The following SIPA1L1 variants were observed in gnomAD, a reference collection of about 807,000 sequenced individuals.
SIPA1L1 encodes the protein signal-induced proliferation-associated 1-like protein 1.
In SIPA1L1, 26 loss-of-function variants were observed where a neutral mutation model predicts 162.7. The ratio of observed to expected loss-of-function variants is 0.16; its 90% confidence interval spans 0.12 to 0.22. The LOEUF is 0.22. Ranked by LOEUF, SIPA1L1 falls within the 10% of genes least tolerant of loss-of-function variation. SIPA1L1 has a pLI of 1.00. For synonymous variants in SIPA1L1, 829 were observed against 837.4 expected, an observed-to-expected ratio of 0.99 and a Z score of 0.17; for missense variants, 1,874 against 2,241.0, an observed-to-expected ratio of 0.84 and a Z score of 3.31.
chr14:71,551,854 TTG>T (rs1201703234), intron 4 of SIPA1L1, among the ~76,000 whole-genome samples: 1 of 152,184 alleles, frequency 6.6e-6, no homozygotes, highest in Non-Finnish European at 1.5e-5. Flanking sequence ...CATTCATGCT[TTG>T]TGTTACTGAT....
At chr14:71,517,408 A>C (rs1336777321) in intron 3 of SIPA1L1, among the ~76,000 whole-genome samples, 1 of 152,170 alleles carries the variant, frequency 6.6e-6, no homozygotes, top group Non-Finnish European at 1.5e-5. Flanking sequence ...ATCATGGTTC[A>C]CTGATTTTCC....
intron 4 of SIPA1L1, among the ~76,000 whole-genome samples, chr14:71,556,707 C>CTTG: frequency 6.6e-6 from 1 of 152,372 alleles, no homozygotes; most frequent in South Asian, 2.1e-4. Flanking sequence ...CTTCCAAGAA[C>CTTG]TTCTACATGT....
chr14:71,728,912 C>A (rs2084487241), intron 19 of SIPA1L1, among the ~76,000 whole-genome samples: 1 of 152,092 alleles, frequency 6.6e-6, no homozygotes, highest in Non-Finnish European at 1.5e-5. Context: ...TTGCTATTTG[C>A]AGAAAAAATC....
intron 5 of SIPA1L1, among the ~76,000 whole-genome samples, chr14:71,612,073 A>T (rs1413063330): frequency 6.6e-6 from 1 of 152,216 alleles, no homozygotes; most frequent in Non-Finnish European, 1.5e-5. Context: ...CTGCTGATAT[A>T]TGATGAAGCC....
At chr14:71,727,650 G>A (rs1213360497) in intron 19 of SIPA1L1, among the ~76,000 whole-genome samples, 4 of 152,158 alleles carry the variant, frequency 2.6e-5, no homozygotes, top group African/African-American at 7.2e-5. Flanking sequence ...CCTTCCAGGT[G>A]TGATCCCACT....
chr14:71,345,159 A>G (rs2036029354), intron 2 of SIPA1L1, among the ~76,000 whole-genome samples: 1 of 152,080 alleles, frequency 6.6e-6, no homozygotes, highest in African/African-American at 2.4e-5. Context: ...GTAGTTTGCT[A>G]CCTACCCACC....
chr14:71,517,108 G>C (rs908687857), intron 3 of SIPA1L1, among the ~76,000 whole-genome samples: 3 of 151,586 alleles, frequency 2.0e-5, no homozygotes, highest in Admixed American at 1.3e-4. Context: ...CTATGGTTTT[G>C]TTTTATTTCG....
At chr14:71,707,135 G>GCA (rs924886136) in intron 16 of SIPA1L1, among the ~76,000 whole-genome samples, 1 of 149,112 alleles carries the variant, frequency 6.7e-6, no homozygotes, top group Non-Finnish European at 1.5e-5. Flanking sequence ...ACACACGCAC[G>GCA]CACACACACA....
intron 13 of SIPA1L1, among the ~76,000 whole-genome samples, chr14:71,695,664 C>T (rs1427736634): frequency 6.6e-6 from 1 of 152,160 alleles, no homozygotes; most frequent in African/African-American, 2.4e-5. Context: ...AATCATCAGA[C>T]CCCTACACGT....
Position 71,398,008 on chromosome 14 carries a change from AATTTTTT to A in SIPA1L1, c.-465+76828_-465+76834del, listed in dbSNP as rs1266464634. Among the ~76,000 whole-genome samples the A allele has an allele frequency of 1.4e-4, 12 of 88,710 alleles. No homozygotes were observed. The East Asian group carries it at 1.4e-3, about 10-fold the overall frequency. The allele number at this position is 88,710 out of a possible 152,430, so 58.2% of individuals were successfully genotyped here. A position where few individuals can be genotyped will look rare whatever the true frequency, so the allele number is the denominator to read the frequency against. On this transcript the variant is annotated intron_variant, in intron 2 of 23. Coordinates refer to ENST00000381232, the MANE Select transcript of SIPA1L1 (RefSeq NM_001386936.1). The stretch of plus-strand genomic sequence containing the variant: ...CTGGAATTAAATAACCAAAAAAAAA[AATTTTTT>A]TTTTTTTTTTTTTTTTTTGAGACGG...
chr14:71,530,658 C>A (rs950766208), intron 4 of SIPA1L1, among the ~76,000 whole-genome samples: 1 of 152,144 alleles, frequency 6.6e-6, no homozygotes, highest in Non-Finnish European at 1.5e-5. Flanking sequence ...ATAGAGAAAT[C>A]GAATGTTTAC....
chr14:71,429,504 G>T (rs557002040), intron 2 of SIPA1L1, among the ~76,000 whole-genome samples: 29 of 151,654 alleles, frequency 1.9e-4, no homozygotes, highest in Non-Finnish European at 2.7e-4. Context: ...CATGGGGATT[G>T]ATTTTTTTTT....
intron 19 of SIPA1L1, among the ~76,000 whole-genome samples, chr14:71,729,426 G>A (rs2084551412): frequency 6.6e-6 from 1 of 152,206 alleles, no homozygotes; most frequent in South Asian, 2.1e-4. Flanking sequence ...GATAGGTTCA[G>A]TTGGTGTAAG....
intron 2 of SIPA1L1, among the ~76,000 whole-genome samples, chr14:71,466,580 GA>G (rs201849523): frequency 0.17 from 19,500 of 118,054 alleles, 1,501 homozygotes; most frequent in East Asian, 0.42. Flanking sequence ...GAGCCATACT[GA>G]AAAAAAAAAA....
chr14:71,349,236 A>G (rs1343454641), intron 2 of SIPA1L1, among the ~76,000 whole-genome samples: 1 of 152,154 alleles, frequency 6.6e-6, no homozygotes, highest in Non-Finnish European at 1.5e-5. Flanking sequence ...TGAGAGGGGA[A>G]CCCAGCAAGG....
At chr14:71,533,228 T>C (rs2053600830) in intron 4 of SIPA1L1, among the ~76,000 whole-genome samples, 2 of 152,234 alleles carry the variant, frequency 1.3e-5, no homozygotes, top group South Asian at 4.1e-4. Context: ...TCAAAAGTTT[T>C]CTTACTTTGT....
At chr14:71,482,528 A>G (rs1046969735) in intron 2 of SIPA1L1, among the ~76,000 whole-genome samples, 2 of 152,086 alleles carry the variant, frequency 1.3e-5, no homozygotes, top group African/African-American at 4.8e-5. Context: ...TTTTGTTGCC[A>G]CTCTTTCCCT....
intron 19 of SIPA1L1, among the ~76,000 whole-genome samples, chr14:71,727,955 T>C (rs541074016): frequency 1.3e-5 from 2 of 152,298 alleles, no homozygotes; most frequent in East Asian, 1.9e-4. Context: ...TAACTTTTCA[T>C]AGGGCACCCT....
chr14:71,341,981 C>T (rs1037238050), intron 2 of SIPA1L1, among the ~76,000 whole-genome samples: 2 of 152,022 alleles, frequency 1.3e-5, no homozygotes, highest in Non-Finnish European at 2.9e-5. Context: ...GTGTATGTGT[C>T]TTTTCAGTAG....
Sources: allele counts gnomAD v4.1 joint callset (sites outside exome capture counted in the v4.1 genomes callset), GRCh38; gene constraint gnomAD v4.1.1; transcripts MANE v1.5; gene names NCBI Gene and HGNC (gene_info 2026-07-23, HGNC 2026-07-21).